PDCD5: variants seen among roughly 807,000 people sequenced by gnomAD.
The protein encoded by PDCD5 is programmed cell death 5, also known as programmed cell death protein 5.
PDCD5 carries 23 observed loss-of-function variants against 21.9 expected under a neutral mutation model. The observed-to-expected ratio is 1.05, with a 90% confidence interval of 0.76 to 1.49. The LOEUF is 1.49. Ranked by LOEUF, PDCD5 falls within the 40% of genes most tolerant of loss-of-function variation. The pLI, the probability that PDCD5 is intolerant of heterozygous loss-of-function variation, is 0.00. For missense variants in PDCD5, 152 were observed against 147.7 expected, an observed-to-expected ratio of 1.03 and a Z score of -0.15; for synonymous variants, 45 against 49.4, an observed-to-expected ratio of 0.91 and a Z score of 0.37.
rs376112277 is a variant in PDCD5, at chr19:32,586,575, G to A, written c.259-283G>A. The stretch of plus-strand genomic sequence containing the variant: ...TATATGTGGTTGTCACACTCAGCTA[G>A]TGATGATAAAGGTGTTCTTAAATAT... On this transcript the variant is annotated intron_variant, in intron 4 of 5. Coordinates refer to ENST00000590247, the MANE Select transcript of PDCD5 (RefSeq NM_004708.4). The A allele has an allele frequency of 9.1e-5, 106 of 1,163,150 alleles. No homozygotes were observed. The African/African-American group carries it at 1.6e-3, about 17-fold the overall frequency. The allele number at this position is 1,163,150 out of a possible 1,614,324, so 72.1% of individuals were successfully genotyped here. A position where few individuals can be genotyped will look rare whatever the true frequency, so the allele number is the denominator to read the frequency against.
chr19:32,587,042 A>C, intron 5 of PDCD5, 113 bp downstream of exon 5: 1 of 1,033,014 alleles, frequency 9.7e-7, no homozygotes, highest in South Asian at 1.6e-5. Context: ...TCCTTTTGTC[A>C]AACACGTGAA....
intron 2 of PDCD5, 116 bp downstream of exon 2, chr19:32,582,348 A>AT: frequency 2.4e-6 from 2 of 836,066 alleles, no homozygotes; most frequent in Non-Finnish European, 4.0e-6. Flanking sequence ...TGGAATGGTG[A>AT]TTTGGCCAAA....
rs370449362 is a variant in PDCD5 at position 32,581,277 on chromosome 19, C to T, written c.16C>T (p.Leu6Phe). The T allele has an allele frequency of 1.0e-5, 16 of 1,528,600 alleles. No individual in the cohort carries two copies. In the African/African-American group the frequency reaches 2.1e-4, roughly 20 times the overall value. The allele number at this position is 1,528,600 out of a possible 1,614,324, so 94.7% of individuals were successfully genotyped here. The change falls in exon 1 of 6, where the codon CTT becomes TTT. Residue 6 changes from leucine (L) to phenylalanine (F), a missense_variant. Transcript: ENST00000590247. Reference protein sequence around the residue: MADEELEALRRQRLAE... With the variant: MADEEFEALRRQRLAE... ...ACGCCGAGCCATGGCGGACGAGGAG[C>T]TTGAGGCGCTGAGGAGACAGAGGCT...
intron 4 of PDCD5, chr19:32,586,514 A>G: frequency 9.0e-7 from 1 of 1,106,552 alleles, no homozygotes. Context: ...TCTCGGGCAG[A>G]AGTGGTGTGT....
intron 4 of PDCD5, 61 bp from the exon 5 acceptor site, chr19:32,586,797 G>A: frequency 6.4e-7 from 1 of 1,571,248 alleles, no homozygotes; most frequent in Middle Eastern, 1.7e-4. Flanking sequence ...GATTCCATCT[G>A]CAGAGGTAAA....
intron 4 of PDCD5, chr19:32,586,309 T>C (rs2145242247): frequency 2.2e-6 from 3 of 1,346,734 alleles, no homozygotes; most frequent in Non-Finnish European, 2.9e-6. Flanking sequence ...ATGAGGGGTA[T>C]GTTGTGGCAA....
intron 5 of PDCD5, 39 bp downstream of exon 5, chr19:32,586,968 G>T (rs1055441059): frequency 2.7e-6 from 4 of 1,462,942 alleles, no homozygotes; most frequent in Non-Finnish European, 1.9e-6. Context: ...TGAAAAGATG[G>T]ATACTTTAAA....
At chr19:32,585,664 C>A in intron 3 of PDCD5, 152 bp from the exon 4 acceptor site, 1 of 607,508 alleles carries the variant, frequency 1.6e-6, no homozygotes. Context: ...CTTCAGTTTT[C>A]TCATTTTTAA....
Position 32,581,219 on chromosome 19 carries a change from G to T in PDCD5, c.-43G>T, listed in dbSNP as rs1014443608. The T allele has an allele frequency of 4.9e-6, 7 of 1,425,426 alleles. No individual in the cohort carries two copies. Among genetic ancestry groups the T allele is most frequent in the Admixed American group, 4.7e-5 (2 of 42,950 alleles). 88.3% of individuals were successfully genotyped at this position (1,425,426 alleles called of 1,614,324 possible). On this transcript the variant is annotated 5_prime_UTR_variant, in exon 1 of 6. Transcript: ENST00000590247. ...GTCAAGGCCGCGCTCGCGCCGAGGG[G>T]CTGCGAGAGTGACCGCGGCTGCTCC...
intron 5 of PDCD5, 128 bp downstream of exon 5, chr19:32,587,057 T>C: frequency 1.1e-6 from 1 of 945,694 alleles, no homozygotes; most frequent in Non-Finnish European, 1.6e-6. Context: ...CGTGAAAGTT[T>C]GGGGAGAAAG....
In PDCD5 at chr19:32,586,916, C is replaced by T. The variant is rs1447628058; in HGVS notation, c.317C>T (p.Thr106Ile). The T allele has an allele frequency of 6.2e-7, 1 of 1,610,830 alleles. No individual in the cohort carries two copies. ...LKKVSQQTEK[T>I]TTVKFNRRKV... ...AAAGTAAGCCAACAAACAGAAAAGA[C>T]AACAACAGTGAAAGTAAGTGTCCCC... is the stretch of plus-strand genomic sequence containing the variant. The change falls in exon 5 of 6, where the codon ACA (threonine) becomes ATA (isoleucine). Residue 106 changes from threonine (T) to isoleucine (I), a missense_variant. By Grantham distance (89) the Thr-to-Ile change is moderately conservative. Transcript: ENST00000590247.
Position 32,583,723 on chromosome 19 carries a change from AG to A in PDCD5, c.105-1225del, listed in dbSNP as rs1171040747. Among the ~76,000 whole-genome samples, 3 of 152,038 alleles carry A rather than the reference AG, an allele frequency of 2.0e-5. No homozygotes were observed. The South Asian group carries it at 6.2e-4, about 32-fold the overall frequency. On this transcript the variant is annotated intron_variant, in intron 2 of 5. Transcript: ENST00000590247. ...AAGCCTGTAGACCCAGCTACTCAGGAGGCCGAGGGGGAAGAATCACTTGAGC... is the reference window on the plus strand; with the variant it reads ...AAGCCTGTAGACCCAGCTACTCAGGAGCCGAGGGGGAAGAATCACTTGAGC...
Position 32,585,914 on chromosome 19 carries a change from T to C in PDCD5, c.258+7T>C. The C allele has an allele frequency of 1.2e-6, 2 of 1,613,460 alleles. No individual in the cohort carries two copies. Among genetic ancestry groups the C allele is most frequent in the Non-Finnish European group, 8.5e-7 (1 of 1,179,364 alleles). On this transcript the variant is annotated splice_region_variant and intron_variant, in intron 4 of 5. Coordinates refer to ENST00000590247, the MANE Select transcript of PDCD5 (RefSeq NM_004708.4). ...TGGACAACTAAGTGAGAAGGTAAGC[T>C]TAGACAGCCTTGAGGAACTTTACTG... is the stretch of plus-strand genomic sequence containing the variant.
At chr19:32,583,202 C>G (rs753448688) in intron 2 of PDCD5, among the ~76,000 whole-genome samples, 14 of 152,102 alleles carry the variant, frequency 9.2e-5, no homozygotes, top group Non-Finnish European at 1.5e-5. Flanking sequence ...AGACAGCAAC[C>G]CTGTAAGACT....
rs1281866354 is a variant in PDCD5 at position 32,581,236 on chromosome 19, G to A, written c.-26G>A. ...GCCGAGGGGCTGCGAGAGTGACCGC[G>A]GCTGCTCCAGCGCTGACGCCGAGCC... On this transcript the variant is annotated 5_prime_UTR_variant, in exon 1 of 6. Transcript: ENST00000590247. 2 of 1,477,962 alleles carry A rather than the reference G, an allele frequency of 1.4e-6. No individual in the cohort carries two copies. Among genetic ancestry groups the A allele is most frequent in the Non-Finnish European group, 1.8e-6 (2 of 1,113,450 alleles). 91.6% of individuals were successfully genotyped at this position (1,477,962 alleles called of 1,614,324 possible).
At position 32,585,980 on chromosome 19, in the gene PDCD5, C is replaced by T. The variant is rs754758736; in HGVS notation, c.258+73C>T. On this transcript the variant is annotated intron_variant, in intron 4 of 5. Transcript: ENST00000590247. Reference sequence around the variant, plus strand: ...AAACATGGCTTCAAAAGGTCAGCTGCATCTTCACTGGATTACAGAATTCTT... The same window carrying T: ...AAACATGGCTTCAAAAGGTCAGCTGTATCTTCACTGGATTACAGAATTCTT... 3 of 1,613,208 alleles carry T rather than the reference C, an allele frequency of 1.9e-6. No homozygotes were observed. In the South Asian group the frequency reaches 3.3e-5, roughly 18 times the overall value.
In PDCD5 at chr19:32,586,923, A is replaced by G; in HGVS notation, c.324A>G (p.Thr108=). Residue 108 remains threonine (T), a synonymous_variant, in exon 5 of 6, where the codon ACA becomes ACG. Transcript: ENST00000590247. ...GCCAACAAACAGAAAAGACAACAAC[A>G]GTGAAAGTAAGTGTCCCCAGATGCT... ...KVSQQTEKTT[T]VKFNRRKVMD... The G allele has an allele frequency of 6.2e-7, 1 of 1,609,184 alleles. No homozygotes were observed.
At chr19:32,586,390 G>A (rs756455069) in intron 4 of PDCD5, 41 of 1,197,852 alleles carry the variant, frequency 3.4e-5, no homozygotes, top group East Asian at 4.8e-5. Context: ...CAGCCTACCC[G>A]AATTGGTCCT....
intron 5 of PDCD5, 51 bp from the exon 6 acceptor site, chr19:32,587,202 G>C: frequency 7.4e-7 from 1 of 1,351,692 alleles, no homozygotes; most frequent in Non-Finnish European, 1.1e-6. Context: ...CGGAAAATCT[G>C]AGTTATGCTT....
Sources: gnomAD v4.1 joint callset for allele counts (sites outside exome capture counted in the v4.1 genomes callset) on GRCh38, gnomAD v4.1.1 for gene constraint, MANE v1.5 for transcripts, NCBI Gene and HGNC (gene_info 2026-07-23, HGNC 2026-07-21) for gene names.